Variants in SLC38A10 observed in about 807,000 individuals in gnomAD.
SLC38A10 encodes Sodium-coupled neutral amino acid transporter 10.
SLC38A10 carries 53 observed loss-of-function variants against 81.0 expected under a neutral mutation model. That is an observed-to-expected ratio of 0.65 (90% CI 0.53 to 0.82). SLC38A10 has a LOEUF of 0.82. Ranked by LOEUF, SLC38A10 falls within the 40% of genes least tolerant of loss-of-function variation. SLC38A10 has a pLI of 0.00. For synonymous variants in SLC38A10, 665 were observed against 655.3 expected, an observed-to-expected ratio of 1.01 and a Z score of -0.23; for missense variants, 1,471 against 1,545.0, an observed-to-expected ratio of 0.95 and a Z score of 0.80.
In SLC38A10 at chr17:81,281,089, G is replaced by A. The variant is rs543578830; in HGVS notation, c.502-356C>T. Among the ~76,000 whole-genome samples the A allele has an allele frequency of 1.3e-5, 2 of 152,314 alleles. No individual in the cohort carries two copies. The highest frequency in any genetic ancestry group is 6.5e-5 in the Admixed American group (1 of 15,304). On this transcript the variant is annotated intron_variant, in intron 5 of 15. Transcript: ENST00000374759. This position sits in a 1 kb window ranked among gnomAD's most constrained non-coding sequence, Gnocchi z 5.3. Reference sequence around the variant, plus strand: ...AGAGGCTGGTTTCCCACGTGGGCAGGTCCCTCCCCATCTTGTACTGTGTTA... The same window carrying A: ...AGAGGCTGGTTTCCCACGTGGGCAGATCCCTCCCCATCTTGTACTGTGTTA...
rs963983620 is a variant in SLC38A10, at chr17:81,277,748, G to A, written c.627-615C>T. Among the ~76,000 whole-genome samples the A allele has an allele frequency of 2.6e-5, 4 of 152,228 alleles. No homozygotes were observed. The highest frequency in any genetic ancestry group is 5.9e-5 in the Non-Finnish European group (4 of 68,044). ...GGCAAGGACATGACAGCCCTGCACA[G>A]GCAGCAGACGCATCCGAGGGACCTG... On this transcript the variant is annotated intron_variant, in intron 6 of 15. Coordinates refer to ENST00000374759, the MANE Select transcript of SLC38A10 (RefSeq NM_001037984.3). This position sits in a 1 kb window ranked among gnomAD's most constrained non-coding sequence, Gnocchi z 4.5.
intron 12 of SLC38A10, 130 bp from the exon 13 acceptor site, chr17:81,252,813 C>T: frequency 7.3e-7 from 1 of 1,378,248 alleles, no homozygotes; most frequent in East Asian, 2.4e-5. Flanking sequence ...TACCACCTCC[C>T]CTGCCGGCCT....
chr17:81,252,119 G>A lies in SLC38A10; in HGVS notation c.1945+76C>T, dbSNP rs961838908. 26 of 1,477,606 alleles carry A rather than the reference G, an allele frequency of 1.8e-5. No homozygotes were observed. In the East Asian group the frequency reaches 3.1e-4, roughly 17 times the overall value. 91.5% of individuals were successfully genotyped at this position (1,477,606 alleles called of 1,614,324 possible). ...ACTGGGGACTGAGGGAGGAACCATCGATTCTGCTGCCCCTGCCCAGCCTCC... is the reference window on the plus strand; with the variant it reads ...ACTGGGGACTGAGGGAGGAACCATCAATTCTGCTGCCCCTGCCCAGCCTCC... On this transcript the variant is annotated intron_variant, in intron 13 of 15. Transcript: ENST00000374759.
intron 10 of SLC38A10, among the ~76,000 whole-genome samples, chr17:81,267,408 C>G (rs1404361959): frequency 6.6e-6 from 1 of 152,078 alleles, no homozygotes; most frequent in Admixed American, 6.6e-5. Context: ...GGCCCTCCCC[C>G]TCCTTCTTCT....
chr17:81,259,262 C>T (rs2062999694), intron 11 of SLC38A10, among the ~76,000 whole-genome samples: 1 of 152,232 alleles, frequency 6.6e-6, no homozygotes, highest in African/African-American at 2.4e-5. Flanking sequence ...CTGAGACCCC[C>T]AGCCAGAGCC....
rs750774319 is a variant in SLC38A10, at chr17:81,252,254, C to A, written c.1886G>T (p.Gly629Val). Residue 629 changes from glycine (G) to valine (V), a missense_variant, in exon 13 of 16, where the codon GGA becomes GTA. By Grantham distance (109) the Gly-to-Val change is moderately radical. Transcript: ENST00000374759. ...AVGGGEKAKG[G>V]PPPGNAAGDT... ...CCCGGCGGCGTTGCCTGGCGGCGGT[C>A]CCCCCTTGGCCTTTTCCCCTCCACC... 6.5e-7 allele frequency: 1 copy of A among 1,548,098 alleles called. No homozygotes were observed. The highest frequency in any genetic ancestry group is 1.4e-5 in the African/African-American group (1 of 72,290).
rs79829659 is a variant in SLC38A10 at position 81,286,786 on chromosome 17, C to A, written c.218-1891G>T. 0.12 allele frequency among the ~76,000 whole-genome samples: 18,122 copies of A among 152,108 alleles called. 1,054 individuals carry two copies. The highest frequency in any genetic ancestry group is 0.14 in the African/African-American group (5,775 of 41,480). On this transcript the variant is annotated intron_variant, in intron 2 of 15. Transcript: ENST00000374759. The surrounding 1 kb of genome is among the most constrained non-coding windows in gnomAD (Gnocchi z 6.0). ...GCCTGGACCACCCAACGAAAGGACG[C>A]GGGCAGCACTCCTGACACCGCTGCT...
rs769823390 is a variant in SLC38A10 at position 81,272,518 on chromosome 17, T to C, written c.1022A>G (p.Asn341Ser). The C allele has an allele frequency of 3.8e-6, 6 of 1,584,360 alleles. No individual in the cohort carries two copies. Among genetic ancestry groups the C allele is most frequent in the Admixed American group, 3.7e-5 (2 of 53,824 alleles). The part of the protein sequence containing the change: ...GTMVGGILIP[N>S]VETILGLTGA... ...ACAGGGCAGCCCTCCCGCCTTACCG[T>C]TGGGGATAAGGATGCCACCAACCAT... Residue 341 changes from asparagine to serine, a missense_variant and splice_region_variant, in exon 9 of 16, where the codon AAC becomes AGC. Asn to Ser is a conservative substitution (Grantham distance 46). Coordinates refer to ENST00000374759, the MANE Select transcript of SLC38A10 (RefSeq NM_001037984.3).
Position 81,277,109 on chromosome 17 carries a change from G to A in SLC38A10, c.651C>T (p.Ser217=), listed in dbSNP as rs1337633211. 1.2e-6 allele frequency: 2 copies of A among 1,613,902 alleles called. No homozygotes were observed. The highest frequency in any genetic ancestry group is 1.7e-6 in the Non-Finnish European group (2 of 1,179,954). The change falls in exon 7 of 16, where the codon AGC becomes AGT. Residue 217 remains serine (S), a synonymous_variant. Coordinates refer to ENST00000374759, the MANE Select transcript of SLC38A10 (RefSeq NM_001037984.3). This position sits in a 1 kb window ranked among gnomAD's most constrained non-coding sequence, Gnocchi z 4.5. ...CQSQVLPTYD[S]LDEPSVKTMS... is the part of the protein sequence containing the mutation. ...TGGTTTTCACTGACGGCTCATCCAG[G>A]CTGTCGTAGGTGGGCAGCACCTGGC...
In SLC38A10 at chr17:81,295,053, C is replaced by T. The variant is rs996980491; in HGVS notation, c.-132G>A. The T allele has an allele frequency of 3.9e-5, 52 of 1,330,136 alleles. No individual in the cohort carries two copies. The highest frequency in any genetic ancestry group is 1.2e-4 in the Admixed American group (3 of 25,440). The allele number at this position is 1,330,136 out of a possible 1,614,324, so 82.4% of individuals were successfully genotyped here. A position where few individuals can be genotyped will look rare whatever the true frequency, so the allele number is the denominator to read the frequency against. On this transcript the variant is annotated 5_prime_UTR_variant, in exon 1 of 16. Coordinates refer to ENST00000374759, the MANE Select transcript of SLC38A10 (RefSeq NM_001037984.3). ...ACGCCGGTGGGGAGGGGATGGGCAG[C>T]CTGAACACGGGAGCCTGAGCAGGCG...
chr17:81,269,161 C>A (rs1248605442), intron 10 of SLC38A10, among the ~76,000 whole-genome samples: 1 of 152,188 alleles, frequency 6.6e-6, no homozygotes, highest in Admixed American at 6.5e-5. Flanking sequence ...ATAAACAAAT[C>A]TGCAGTTACA....
rs757963119 is a variant in SLC38A10 at position 81,270,889 on chromosome 17, G to T, written c.1131+29C>A. 6.2e-7 allele frequency: 1 copy of T among 1,604,902 alleles called. No individual in the cohort carries two copies. The highest frequency in any genetic ancestry group is 8.5e-7 in the Non-Finnish European group (1 of 1,172,084). ...CCCCAGCCCAGACCCATCAGCCCTC[G>T]TCCAGGCCACCCCACGAGCAGCACG... On this transcript the variant is annotated intron_variant, in intron 10 of 15. Transcript: ENST00000374759. This position sits in a 1 kb window ranked among gnomAD's most constrained non-coding sequence, Gnocchi z 4.0.
intron 15 of SLC38A10, 63 bp from the exon 16 acceptor site, chr17:81,246,736 C>G: frequency 6.7e-7 from 1 of 1,500,188 alleles, no homozygotes; most frequent in Non-Finnish European, 8.9e-7. Context: ...AGTGGAGGGG[C>G]TCAGAAGAAC....
chr17:81,253,877 T>C lies in SLC38A10; in HGVS notation c.1289-637A>G, dbSNP rs1567927465. On this transcript the variant is annotated intron_variant, in intron 11 of 15. Transcript: ENST00000374759. This position sits in a 1 kb window ranked among gnomAD's most constrained non-coding sequence, Gnocchi z 4.1. ...TCCATCCCTACCACCATCACCATCATCATCACCATCACCACTACCATCACC... is the reference window on the plus strand; with the variant it reads ...TCCATCCCTACCACCATCACCATCACCATCACCATCACCACTACCATCACC... 6.6e-6 allele frequency among the ~76,000 whole-genome samples: 1 copy of C among 151,246 alleles called. No individual in the cohort carries two copies. The highest frequency in any genetic ancestry group is 1.9e-4 in the East Asian group (1 of 5,146).
rs929640482 is a variant in SLC38A10 at position 81,245,458 on chromosome 17, G to A, written c.*98C>T. On this transcript the variant is annotated 3_prime_UTR_variant, in exon 16 of 16. Transcript: ENST00000374759. ...CAGACATGAAACCCTGGGGAGAGGC[G>A]AGTGTGACCTCCAGAGTTTGGCTGG... 6.2e-5 allele frequency: 89 copies of A among 1,424,810 alleles called. No homozygotes were observed. The Middle Eastern group carries it at 1.3e-3, about 21-fold the overall frequency. The allele number at this position is 1,424,810 out of a possible 1,614,324, so 88.3% of individuals were successfully genotyped here.
Position 81,252,428 on chromosome 17 carries a change from C to T in SLC38A10, c.1712G>A (p.Gly571Asp), listed in dbSNP as rs371821733. 47 of 1,613,160 alleles carry T rather than the reference C, an allele frequency of 2.9e-5. No homozygotes were observed. The highest frequency in any genetic ancestry group is 3.9e-5 in the Non-Finnish European group (46 of 1,180,030). ...PGQAQALEEA[G>D]DLPEDPQKVP... Reference sequence around the variant, plus strand: ...TTTCTGGGGATCTTCAGGAAGATCACCCGCCTCCTCCAAGGCCTGGGCCTG... The same window carrying T: ...TTTCTGGGGATCTTCAGGAAGATCATCCGCCTCCTCCAAGGCCTGGGCCTG... The change falls in exon 13 of 16, where the codon GGT (glycine) becomes GAT (aspartate). Residue 571 changes from glycine to aspartate, a missense_variant. By Grantham distance (94) the Gly-to-Asp change is moderately conservative (BLOSUM62 -1). This residue lies in a region of SLC38A10 where 720 missense variants were observed against 827.7 expected (regional missense o/e 0.87). Transcript: ENST00000374759.
intron 11 of SLC38A10, among the ~76,000 whole-genome samples, chr17:81,254,334 G>A (rs2062953171): frequency 6.6e-6 from 1 of 152,246 alleles, no homozygotes; most frequent in Non-Finnish European, 1.5e-5. Context: ...TTACACTGTT[G>A]TCAGTTTGGA....
Position 81,245,498 on chromosome 17 carries a change from A to C in SLC38A10, c.*58T>G. The C allele has an allele frequency of 6.5e-7, 1 of 1,527,290 alleles. No individual in the cohort carries two copies. The highest frequency in any genetic ancestry group is 2.3e-5 in the East Asian group (1 of 43,744). 94.6% of individuals were successfully genotyped at this position (1,527,290 alleles called of 1,614,324 possible). A position where few individuals can be genotyped will look rare whatever the true frequency, so the allele number is the denominator to read the frequency against. ...AGTTTGGCTGGGATGCGGCTGAGAC[A>C]GACCTGCTGCTGGCCGAGGAGGGCA... is the stretch of plus-strand genomic sequence containing the variant. On this transcript the variant is annotated 3_prime_UTR_variant, in exon 16 of 16. Coordinates refer to ENST00000374759, the MANE Select transcript of SLC38A10 (RefSeq NM_001037984.3).
At position 81,246,626 on chromosome 17, in the gene SLC38A10, C is replaced by T. The variant is rs777688095; in HGVS notation, c.2290G>A (p.Ala764Thr). ...PGAAVPRGQE[A>T]PEGKARETVE... is the part of the protein sequence containing the mutation. ...GTCTCCCTGGCCTTGCCTTCAGGGG[C>T]CTCCTGGCCTCTGGGCACCGCTGCC... Residue 764 changes from alanine to threonine, a missense_variant, in exon 16 of 16, where the codon GCC becomes ACC. Coordinates refer to ENST00000374759, the MANE Select transcript of SLC38A10 (RefSeq NM_001037984.3). 9 of 1,513,458 alleles carry T rather than the reference C, an allele frequency of 5.9e-6. No individual in the cohort carries two copies. The highest frequency in any genetic ancestry group is 5.6e-5 in the African/African-American group (4 of 71,462). The allele number at this position is 1,513,458 out of a possible 1,614,324, so 93.8% of individuals were successfully genotyped here.
Sources: gnomAD v4.1 joint callset for allele counts (sites outside exome capture counted in the v4.1 genomes callset) on GRCh38, gnomAD v4.1.1 for gene constraint, gnomAD v4.1.1 regional missense constraint, Gnocchi (gnomAD v3.1) non-coding constraint, MANE v1.5 for transcripts, NCBI Gene and HGNC (gene_info 2026-07-23, HGNC 2026-07-21) for gene names.